The following NTM variants were observed in gnomAD, a reference collection of about 807,000 sequenced individuals.
NTM encodes the protein IgLON family member 2.
NTM carries 13 observed loss-of-function variants against 42.1 expected under a neutral mutation model. The ratio of observed to expected loss-of-function variants is 0.31; its 90% CI spans 0.20 to 0.49. The LOEUF (loss-of-function observed/expected upper bound fraction) is 0.49, where lower values mean the gene tolerates loss of function less well. Among genes scored for constraint, NTM ranks in the 20% least tolerant of loss-of-function variants. The pLI, the probability that NTM is intolerant of heterozygous loss-of-function variation, is 0.99. For missense variants in NTM, 373 were observed against 452.8 expected (o/e 0.82, Z 1.60); for synonymous variants, 187 against 179.2 (o/e 1.04, Z -0.35).
intron 7 of NTM, among the ~76,000 whole-genome samples, chr11:132,319,809 C>G (rs1312411787): frequency 6.6e-6 from 1 of 152,218 alleles, no homozygotes; most frequent in South Asian, 2.1e-4. Flanking sequence ...TGAGAACAGG[C>G]AGACTGCCTC....
At chr11:132,177,876 T>C (rs1007408989) in intron 3 of NTM, among the ~76,000 whole-genome samples, 2 of 152,208 alleles carry the variant, frequency 1.3e-5, no homozygotes, top group African/African-American at 2.4e-5. Flanking sequence ...AGGCAATGGA[T>C]CAAAACTTTT....
intron 3 of NTM, among the ~76,000 whole-genome samples, chr11:132,193,965 C>G (rs1340721459): frequency 6.6e-6 from 1 of 151,996 alleles, no homozygotes; most frequent in Non-Finnish European, 1.5e-5. Flanking sequence ...AAAATTTAAT[C>G]CATAATAAAA....
chr11:132,047,659 C>A lies in NTM; in HGVS notation c.168-98623C>A, dbSNP rs943751381. Among the ~76,000 whole-genome samples the A allele has an allele frequency of 3.3e-5, 5 of 152,306 alleles. No homozygotes were observed. The Middle Eastern group carries it at 0.014, about 414-fold the overall frequency. On this transcript the variant is annotated intron_variant, in intron 2 of 8. Transcript: ENST00000683400. ...CCTAGCCATAGCTCTGTTCTTGACC[C>A]GGTGGCCAGGCAGGGCAGTTTGCAA... is the stretch of plus-strand genomic sequence containing the variant.
intron 1 of NTM, among the ~76,000 whole-genome samples, chr11:131,475,179 G>T (rs1952800927): frequency 6.6e-6 from 1 of 152,166 alleles, no homozygotes; most frequent in East Asian, 1.9e-4. Context: ...ATATGAGGAA[G>T]TAACTTTTGC....
At chr11:132,112,116 C>T (rs1286931723) in intron 2 of NTM, among the ~76,000 whole-genome samples, 1 of 152,196 alleles carries the variant, frequency 6.6e-6, no homozygotes, top group East Asian at 1.9e-4. Flanking sequence ...CTCTTCTCAT[C>T]TCAAAATGCA....
intron 2 of NTM, among the ~76,000 whole-genome samples, chr11:131,969,316 C>T (rs1158520417): frequency 6.6e-6 from 1 of 152,152 alleles, no homozygotes; most frequent in Admixed American, 6.5e-5. Flanking sequence ...TGGAGGTGAT[C>T]GAAGACAGGT....
chr11:131,542,456 C>T (rs1228494315), intron 1 of NTM, among the ~76,000 whole-genome samples: 1 of 152,194 alleles, frequency 6.6e-6, no homozygotes, highest in Non-Finnish European at 1.5e-5. Flanking sequence ...ACTTCTGTAA[C>T]TAAGCAATCT....
chr11:132,179,253 GGCTAA>G (rs2077217400), intron 3 of NTM, among the ~76,000 whole-genome samples: 1 of 152,142 alleles, frequency 6.6e-6, no homozygotes, highest in Non-Finnish European at 1.5e-5. Context: ...AGATTTAAAG[GGCTAA>G]GATAAATTTG....
intron 1 of NTM, among the ~76,000 whole-genome samples, chr11:131,444,147 G>C (rs1272144511): frequency 6.9e-6 from 1 of 143,980 alleles, no homozygotes; most frequent in East Asian, 2.0e-4. Flanking sequence ...TTAAGAAAAG[G>C]TGGTAGAGAA....
chr11:131,382,710 G>T (rs188928844), intron 1 of NTM, among the ~76,000 whole-genome samples: 2 of 152,150 alleles, frequency 1.3e-5, no homozygotes, highest in East Asian at 3.9e-4. Context: ...TGTGATCATC[G>T]CATGGCACAG....
Position 131,799,955 on chromosome 11 carries a change from GCCT to G in NTM, c.83-111608_83-111606del, listed in dbSNP as rs1214523958. Among the ~76,000 whole-genome samples, 81 of 152,174 alleles carry G rather than the reference GCCT, an allele frequency of 5.3e-4. 1 individual carries two copies. The South Asian group carries it at 0.017, about 31-fold the overall frequency. On this transcript the variant is annotated intron_variant, in intron 1 of 8. Transcript: ENST00000683400. ...TTTTCTAACTTTGATGAAACTCCTTGCCTTTATTTGAAAATGGGGAAACAGTAG... is the reference window on the plus strand; with the variant it reads ...TTTTCTAACTTTGATGAAACTCCTTGTTATTTGAAAATGGGGAAACAGTAG...
chr11:131,788,067 C>T (rs1328863768), intron 1 of NTM, among the ~76,000 whole-genome samples: 2 of 152,158 alleles, frequency 1.3e-5, no homozygotes, highest in Non-Finnish European at 2.9e-5. Context: ...AAGGACTTTT[C>T]AATGAATTGG....
chr11:132,298,636 ACTTT>A (rs1167253087), intron 4 of NTM, among the ~76,000 whole-genome samples: 2 of 152,208 alleles, frequency 1.3e-5, no homozygotes, highest in South Asian at 4.1e-4. Context: ...CAAAGGGTTC[ACTTT>A]CTTATAATTA....
chr11:131,838,777 C>CA (rs1418733219), intron 1 of NTM, among the ~76,000 whole-genome samples: 1 of 151,876 alleles, frequency 6.6e-6, no homozygotes, highest in African/African-American at 2.4e-5. Context: ...AATAAGAATA[C>CA]AAAAAAACAT....
chr11:132,219,218 T>C (rs1357980935), intron 4 of NTM, among the ~76,000 whole-genome samples: 1 of 152,190 alleles, frequency 6.6e-6, no homozygotes, highest in Non-Finnish European at 1.5e-5. Flanking sequence ...TGAAAGCCTC[T>C]GGTGACTTTC....
rs1246550370 is a variant in NTM, at chr11:132,335,439, G to A, written c.*293G>A. On this transcript the variant is annotated 3_prime_UTR_variant, in exon 9 of 9. Transcript: ENST00000683400. ...TTGGACCCACTGCAAGCTGCATCGT[G>A]CAACCTCTTTGGTGCCAGTGTGGGC... is the stretch of plus-strand genomic sequence containing the variant. 4 of 348,752 alleles carry A rather than the reference G, an allele frequency of 1.1e-5. No homozygotes were observed. The highest frequency in any genetic ancestry group is 4.3e-5 in the African/African-American group (2 of 46,264). 21.6% of individuals were successfully genotyped at this position (348,752 alleles called of 1,614,324 possible).
At chr11:131,653,265 C>G (rs2066745313) in intron 1 of NTM, among the ~76,000 whole-genome samples, 1 of 79,698 alleles carries the variant, frequency 1.3e-5, no homozygotes, top group Admixed American at 1.3e-4. Flanking sequence ...TCTCACATGT[C>G]TCCCTCCACC....
At chr11:131,562,002 A>G (rs1024945670) in intron 1 of NTM, among the ~76,000 whole-genome samples, 2 of 152,194 alleles carry the variant, frequency 1.3e-5, no homozygotes, top group Admixed American at 1.3e-4. Flanking sequence ...TTTTATTTTT[A>G]AGTCATTTTT....
At chr11:131,783,680 C>T (rs146147476) in intron 1 of NTM, among the ~76,000 whole-genome samples, 33 of 152,084 alleles carry the variant, frequency 2.2e-4, no homozygotes, top group African/African-American at 7.5e-4. Context: ...AATAATTATA[C>T]AACTTCTAGA....
Sources: allele counts gnomAD v4.1 joint callset (sites outside exome capture counted in the v4.1 genomes callset), GRCh38; gene constraint gnomAD v4.1.1; transcripts MANE v1.5; gene names NCBI Gene and HGNC (gene_info 2026-07-23, HGNC 2026-07-21).